Variants in WWOX observed in about 807,000 individuals in gnomAD.
WWOX encodes the protein WW domain-containing oxidoreductase.
A neutral mutation model predicts 46.2 loss-of-function variants in WWOX; 69 were observed. The observed-to-expected ratio is 1.49, with a 90% CI of 1.23 to 1.82. The LOEUF (loss-of-function observed/expected upper bound fraction) is 1.82, where lower values mean the gene tolerates loss of function less well. WWOX is among the 40% of genes most tolerant of loss of function. The probability of loss-of-function intolerance (pLI) is 0.00; values close to 1 mark genes in which losing one functional copy is unlikely to be tolerated. For missense variants in WWOX, 919 were observed against 542.6 expected, an observed-to-expected ratio of 1.69 and a Z score of -6.89; for synonymous variants, 359 against 202.6, an observed-to-expected ratio of 1.77 and a Z score of -6.56.
intron 8 of WWOX, among the ~76,000 whole-genome samples, chr16:78,767,334 C>A (rs978243544): frequency 1.3e-4 from 20 of 151,840 alleles, no homozygotes; most frequent in African/African-American, 4.3e-4. Context: ...CAGATTTTGC[C>A]GTGTTGCCCT....
chr16:78,832,839 A>C (rs1306599270), intron 8 of WWOX, among the ~76,000 whole-genome samples: 1 of 152,188 alleles, frequency 6.6e-6, no homozygotes, highest in Non-Finnish European at 1.5e-5. Context: ...CCCCAAAGAC[A>C]GATGACATCC....
At chr16:79,145,664 GTTCT>G (rs2050171273) in intron 8 of WWOX, among the ~76,000 whole-genome samples, 1 of 152,112 alleles carries the variant, frequency 6.6e-6, no homozygotes. Flanking sequence ...AAACCAAAAT[GTTCT>G]TTGTTTTAAA....
At chr16:78,791,968 T>C (rs1195271027) in intron 8 of WWOX, among the ~76,000 whole-genome samples, 1 of 152,192 alleles carries the variant, frequency 6.6e-6, no homozygotes, top group Non-Finnish European at 1.5e-5. Context: ...TTATTGTTTT[T>C]TGTTTTTTTA....
rs148551294 is a variant in WWOX at position 78,564,079 on chromosome 16, C to G, written c.1056+131327C>G. Among the ~76,000 whole-genome samples, 807 of 152,316 alleles carry G rather than the reference C, an allele frequency of 5.3e-3. 8 individuals carry two copies. The highest frequency in any genetic ancestry group is 0.018 in the African/African-American group (761 of 41,568). ...CACAAGACCATGTTTCCATATTGCC[C>G]CAGCCAAGAGCCAACCTACAGACGC... On this transcript the variant is annotated intron_variant, in intron 8 of 8. Coordinates refer to ENST00000566780, the MANE Select transcript of WWOX (RefSeq NM_016373.4).
At chr16:78,513,925 G>T (rs1237541019) in intron 8 of WWOX, among the ~76,000 whole-genome samples, 1 of 137,538 alleles carries the variant, frequency 7.3e-6, no homozygotes, top group African/African-American at 3.1e-5. Flanking sequence ...CACTTTGTAT[G>T]ACAGTCTTCT....
At chr16:78,808,713 G>A (rs1387570986) in intron 8 of WWOX, among the ~76,000 whole-genome samples, 1 of 152,114 alleles carries the variant, frequency 6.6e-6, no homozygotes, top group Non-Finnish European at 1.5e-5. Flanking sequence ...AGATTGAGTG[G>A]TTCCATATTA....
chr16:78,169,117 A>G (rs544830221), intron 5 of WWOX, among the ~76,000 whole-genome samples: 1 of 152,188 alleles, frequency 6.6e-6, no homozygotes, highest in Non-Finnish European at 1.5e-5. Context: ...GGAACAGCAC[A>G]CAGATGTGAT....
intron 8 of WWOX, among the ~76,000 whole-genome samples, chr16:79,104,870 C>G (rs546011109): frequency 1.3e-5 from 2 of 152,160 alleles, no homozygotes; most frequent in Non-Finnish European, 2.9e-5. Flanking sequence ...GTCCAAACCT[C>G]GACAGACAGC....
chr16:78,732,468 A>C (rs942993106), intron 8 of WWOX, among the ~76,000 whole-genome samples: 3 of 152,176 alleles, frequency 2.0e-5, no homozygotes, highest in Non-Finnish European at 4.4e-5. Context: ...GTTTCCAAAC[A>C]CTGTGAAGCA....
chr16:78,432,191 C>T (rs1375061402), intron 7 of WWOX, among the ~76,000 whole-genome samples: 1 of 151,408 alleles, frequency 6.6e-6, no homozygotes, highest in Non-Finnish European at 1.5e-5. Context: ...AATCTTTGCT[C>T]ACTGCAACCT....
intron 8 of WWOX, among the ~76,000 whole-genome samples, chr16:78,900,233 C>CT (rs1374995916): frequency 1.3e-5 from 2 of 152,086 alleles, no homozygotes; most frequent in Admixed American, 1.3e-4. Context: ...AGATTAAAGT[C>CT]TTTTCTCCTC....
chr16:78,938,240 T>G (rs1425965613), intron 8 of WWOX, among the ~76,000 whole-genome samples: 2 of 152,188 alleles, frequency 1.3e-5, no homozygotes, highest in Admixed American at 6.5e-5. Flanking sequence ...GGACGTGAAC[T>G]AGAGGTGAGG....
At chr16:78,693,516 A>C (rs569153618) in intron 8 of WWOX, among the ~76,000 whole-genome samples, 20 of 152,110 alleles carry the variant, frequency 1.3e-4, no homozygotes, top group Non-Finnish European at 1.3e-4. Context: ...AGAAATAATT[A>C]TGTTTGTTTA....
intron 5 of WWOX, among the ~76,000 whole-genome samples, chr16:78,332,263 A>AT (rs1454384030): frequency 6.6e-6 from 1 of 152,170 alleles, no homozygotes; most frequent in African/African-American, 2.4e-5. Context: ...TGGATCTACT[A>AT]TTTTAGAATC....
At chr16:79,120,662 G>A (rs1239062636) in intron 8 of WWOX, among the ~76,000 whole-genome samples, 1 of 152,162 alleles carries the variant, frequency 6.6e-6, no homozygotes. Flanking sequence ...CCGGCTTCAG[G>A]TCGCGGTAAG....
intron 8 of WWOX, among the ~76,000 whole-genome samples, chr16:79,055,539 T>C (rs1202202375): frequency 2.6e-5 from 4 of 152,140 alleles, no homozygotes; most frequent in African/African-American, 4.8e-5. Context: ...TTTGAGGCCC[T>C]AGATACTGAA....
At chr16:78,162,854 A>C (rs1185397150) in intron 4 of WWOX, among the ~76,000 whole-genome samples, 1 of 151,890 alleles carries the variant, frequency 6.6e-6, no homozygotes, top group South Asian at 2.1e-4. Context: ...AGTTTCCTCA[A>C]TCTTGTCGTC....
chr16:78,175,002 T>TAATAAC (rs2035287473), intron 5 of WWOX, among the ~76,000 whole-genome samples: 1 of 132,988 alleles, frequency 7.5e-6, no homozygotes, highest in Admixed American at 7.3e-5. Flanking sequence ...ATAATAGTAA[T>TAATAAC]AATAATAATA....
At chr16:78,670,120 T>G (rs576188534) in intron 8 of WWOX, among the ~76,000 whole-genome samples, 49 of 151,662 alleles carry the variant, frequency 3.2e-4, no homozygotes, top group African/African-American at 1.1e-3. Flanking sequence ...TGTGAGGGCT[T>G]CTCTGCGTCA....
Sources: allele counts gnomAD v4.1 joint callset (sites outside exome capture counted in the v4.1 genomes callset), GRCh38; gene constraint gnomAD v4.1.1; transcripts MANE v1.5; gene names NCBI Gene and HGNC (gene_info 2026-07-23, HGNC 2026-07-21).